The following DCC variants were observed in gnomAD, a reference collection of about 807,000 sequenced individuals.
DCC encodes the protein netrin receptor DCC.
DCC carries 58 observed loss-of-function variants against 172.5 expected under a neutral mutation model. The observed-to-expected ratio is 0.34, with a 90% CI of 0.27 to 0.42. The LOEUF (loss-of-function observed/expected upper bound fraction) is 0.42. Among genes scored for constraint, DCC ranks in the 10% least tolerant of loss-of-function variants. DCC has a pLI of 1.00. For synonymous variants in DCC, 709 were observed against 644.5 expected (o/e 1.10, Z -1.52); for missense variants, 1,740 against 1,791.0 (o/e 0.97, Z 0.51).
intron 12 of DCC, among the ~76,000 whole-genome samples, chr18:53,278,248 C>A (rs1208463292): frequency 6.6e-6 from 1 of 152,026 alleles, no homozygotes. Flanking sequence ...AATGTGAGAA[C>A]GTGTGCTGTT....
intron 7 of DCC, among the ~76,000 whole-genome samples, chr18:53,071,431 A>G (rs1384881326): frequency 6.6e-6 from 1 of 152,216 alleles, no homozygotes; most frequent in East Asian, 1.9e-4. Flanking sequence ...AAAAATCGTT[A>G]CACTACAGGA....
rs148921316 is a variant in DCC at position 52,428,022 on chromosome 18, G to A, written c.91+87144G>A. Among the ~76,000 whole-genome samples, 1,144 of 152,092 alleles carry A rather than the reference G, an allele frequency of 7.5e-3. 7 individuals are homozygous for A. Among genetic ancestry groups the A allele is most frequent in the Middle Eastern group, 0.034 (10 of 294 alleles). On this transcript the variant is annotated intron_variant, in intron 1 of 28. Coordinates refer to ENST00000442544, the MANE Select transcript of DCC (RefSeq NM_005215.4). Reference sequence around the variant, plus strand: ...TCTAGGACCAAATTGTCTTGGCTTCGTGGCTCATGTGTTTATTCCCCTTGG... The same window carrying A: ...TCTAGGACCAAATTGTCTTGGCTTCATGGCTCATGTGTTTATTCCCCTTGG...
At chr18:53,496,936 G>C (rs1434411508) in intron 26 of DCC, among the ~76,000 whole-genome samples, 1 of 152,034 alleles carries the variant, frequency 6.6e-6, no homozygotes, top group East Asian at 1.9e-4. Context: ...TGAAAGAAGG[G>C]AGTAAAAAAG....
intron 3 of DCC, among the ~76,000 whole-genome samples, chr18:52,919,388 T>G (rs1309943230): frequency 6.6e-6 from 1 of 152,180 alleles, no homozygotes; most frequent in African/African-American, 2.4e-5. Context: ...TAATGAAAAA[T>G]TGTGTTCCTT....
intron 20 of DCC, among the ~76,000 whole-genome samples, chr18:53,413,833 G>A (rs1165720537): frequency 2.6e-5 from 4 of 152,080 alleles, no homozygotes; most frequent in Non-Finnish European, 5.9e-5. Flanking sequence ...TCCTGGATTG[G>A]GTGGGCACTT....
intron 9 of DCC, among the ~76,000 whole-genome samples, chr18:53,191,102 T>A (rs2055360738): frequency 6.6e-6 from 1 of 152,168 alleles, no homozygotes; most frequent in Non-Finnish European, 1.5e-5. Context: ...TCAGTTGAAT[T>A]TCTTGATTCA....
chr18:52,940,439 A>G (rs1390324260), intron 5 of DCC, among the ~76,000 whole-genome samples: 1 of 152,110 alleles, frequency 6.6e-6, no homozygotes, highest in Non-Finnish European at 1.5e-5. Flanking sequence ...CAGAACATGA[A>G]ATTGGACTAA....
chr18:53,520,331 G>A (rs570907503), intron 27 of DCC, among the ~76,000 whole-genome samples: 15 of 151,930 alleles, frequency 9.9e-5, no homozygotes, highest in African/African-American at 3.1e-4. Flanking sequence ...CCACATGCCT[G>A]ACGACTACAT....
intron 23 of DCC, among the ~76,000 whole-genome samples, chr18:53,452,416 G>A (rs1417943413): frequency 6.6e-6 from 1 of 152,084 alleles, no homozygotes; most frequent in Non-Finnish European, 1.5e-5. Context: ...TGAGAAGAAT[G>A]TTCGAGCATT....
In DCC at chr18:53,339,807, C is replaced by T. The variant is rs367899755; in HGVS notation, c.2259C>T (p.Ile753=). 23 of 1,613,790 alleles carry T rather than the reference C, an allele frequency of 1.4e-5. No homozygotes were observed. The highest frequency in any genetic ancestry group is 6.7e-5 in the East Asian group (3 of 44,882). ...GGACTCCTCCCTTGAACCCAAACAT[C>T]GTGGTGCGAGGTTATATTATCGGTT... The part of the protein sequence containing the change: ...MSWTPPLNPN[I]VVRGYIIGYG... Residue 753 remains isoleucine, a synonymous_variant, in exon 15 of 29, where the codon ATC becomes ATT. Coordinates refer to ENST00000442544, the MANE Select transcript of DCC (RefSeq NM_005215.4).
At position 53,157,315 on chromosome 18, in the gene DCC, G is replaced by A. The variant is rs745970686; in HGVS notation, c.1262-41G>A. 65 of 1,613,202 alleles carry A rather than the reference G, an allele frequency of 4.0e-5. No homozygotes were observed. In the Middle Eastern group the frequency reaches 1.6e-3, roughly 39 times the overall value. On this transcript the variant is annotated intron_variant, in intron 7 of 28. Transcript: ENST00000442544. ...GCCTTCCTACCCAATTCTTACCTAT[G>A]GCAGCGACACCTCTGATAGCCTCCT...
At chr18:52,437,567 C>T (rs562029247) in intron 1 of DCC, among the ~76,000 whole-genome samples, 4 of 152,212 alleles carry the variant, frequency 2.6e-5, no homozygotes, top group South Asian at 4.2e-4. Context: ...AAGATAGGGG[C>T]GCATATTCTG....
intron 5 of DCC, among the ~76,000 whole-genome samples, chr18:52,998,030 C>T (rs2143832989): frequency 6.6e-6 from 1 of 152,142 alleles, no homozygotes; most frequent in African/African-American, 2.4e-5. Flanking sequence ...ATAGGCCTGT[C>T]TATTCCATCA....
Position 53,210,236 on chromosome 18 carries a change from G to A in DCC, c.1861+2419G>A, listed in dbSNP as rs186216639. 3.1e-3 allele frequency among the ~76,000 whole-genome samples: 472 copies of A among 152,226 alleles called. 2 individuals carry two copies. Among genetic ancestry groups the A allele is most frequent in the Admixed American group, 8.2e-3 (126 of 15,278 alleles). On this transcript the variant is annotated intron_variant, in intron 11 of 28. Coordinates refer to ENST00000442544, the MANE Select transcript of DCC (RefSeq NM_005215.4). Reference sequence around the variant, plus strand: ...CCTCCTCTGTCCTGAAGCTGTTCATGCTGAGGTCATATATCACATTGAGTT... The same window carrying A: ...CCTCCTCTGTCCTGAAGCTGTTCATACTGAGGTCATATATCACATTGAGTT...
At chr18:53,405,601 T>C (rs976583643) in intron 19 of DCC, among the ~76,000 whole-genome samples, 1 of 152,128 alleles carries the variant, frequency 6.6e-6, no homozygotes, top group Non-Finnish European at 1.5e-5. Context: ...TAAATATAAG[T>C]ACTCAAAAAG....
chr18:53,281,263 G>A (rs999754771), intron 12 of DCC, among the ~76,000 whole-genome samples: 1 of 152,022 alleles, frequency 6.6e-6, no homozygotes, highest in African/African-American at 2.4e-5. Flanking sequence ...TAATGGTTTT[G>A]CAAGTACTAG....
intron 7 of DCC, among the ~76,000 whole-genome samples, chr18:53,140,074 A>G (rs1462466881): frequency 6.6e-6 from 1 of 152,240 alleles, no homozygotes; most frequent in Non-Finnish European, 1.5e-5. Flanking sequence ...GGACAGATGT[A>G]TGAGATAGAT....
intron 3 of DCC, among the ~76,000 whole-genome samples, chr18:52,919,226 T>C (rs2040083126): frequency 6.6e-6 from 1 of 152,182 alleles, no homozygotes; most frequent in Admixed American, 6.6e-5. Context: ...GCAGCGTGAC[T>C]TTCACCATAA....
intron 14 of DCC, among the ~76,000 whole-genome samples, chr18:53,332,344 C>T (rs2057538192): frequency 6.6e-6 from 1 of 151,916 alleles, no homozygotes. Context: ...ATAGAAAACA[C>T]ATATTAAAAG....
Sources: allele counts gnomAD v4.1 joint callset (sites outside exome capture counted in the v4.1 genomes callset), GRCh38; gene constraint gnomAD v4.1.1; transcripts MANE v1.5; gene names NCBI Gene and HGNC (gene_info 2026-07-23, HGNC 2026-07-21).